Variants in COBLL1 observed in about 807,000 individuals in gnomAD.
The protein encoded by COBLL1 is cordon-bleu WH2 repeat protein like 1.
Under a neutral mutation model 94.8 loss-of-function variants are expected in COBLL1, and 50 were observed. The observed-to-expected ratio is 0.53, with a 90% CI of 0.42 to 0.67. The LOEUF (loss-of-function observed/expected upper bound fraction) is 0.67. Ranked by LOEUF, COBLL1 falls within the 30% of genes least tolerant of loss-of-function variation. The pLI is 0.00. For missense variants in COBLL1, 1,362 were observed against 1,348.7 expected, an observed-to-expected ratio of 1.01 and a Z score of -0.15; for synonymous variants, 448 against 473.8, an observed-to-expected ratio of 0.95 and a Z score of 0.71.
rs566139742 is a variant in COBLL1 at position 164,692,470 on chromosome 2, A to C, written c.3124-73T>G. 4 of 1,177,568 alleles carry C rather than the reference A, an allele frequency of 3.4e-6. No homozygotes were observed. In the Admixed American group the frequency reaches 8.6e-5, roughly 25 times the overall value. 72.9% of individuals were successfully genotyped at this position (1,177,568 alleles called of 1,614,324 possible). On this transcript the variant is annotated intron_variant, in intron 12 of 13. Coordinates refer to ENST00000652658, the MANE Select transcript of COBLL1 (RefSeq NM_001365672.2). The stretch of plus-strand genomic sequence containing the variant: ...GGGCCATTTTTTGCAAAACATTTTC[A>C]TCATCAATAGTTCTTTAACAATCAC...
intron 2 of COBLL1, among the ~76,000 whole-genome samples, chr2:164,826,436 T>C (rs355808): frequency 0.52 from 78,986 of 152,114 alleles, 22,075 homozygotes; most frequent in African/African-American, 0.73. Flanking sequence ...AATAATGATG[T>C]CCACATCACA....
intron 2 of COBLL1, among the ~76,000 whole-genome samples, chr2:164,796,207 C>T (rs1405829601): frequency 1.3e-5 from 2 of 152,152 alleles, no homozygotes; most frequent in Admixed American, 6.5e-5. Context: ...GTGGACACTA[C>T]TTGAAGGTTA....
At chr2:164,822,530 G>A (rs1685215822) in intron 2 of COBLL1, among the ~76,000 whole-genome samples, 17 of 152,222 alleles carry the variant, frequency 1.1e-4, no homozygotes, top group Admixed American at 1.0e-3. Flanking sequence ...GACGAAGGTA[G>A]TATTCTCCAA....
intron 2 of COBLL1, among the ~76,000 whole-genome samples, chr2:164,770,172 A>G (rs1688137396): frequency 6.6e-6 from 1 of 152,180 alleles, no homozygotes; most frequent in Non-Finnish European, 1.5e-5. Context: ...TTTAAAACCC[A>G]GAGAAGTTCA....
intron 2 of COBLL1, among the ~76,000 whole-genome samples, chr2:164,818,253 T>C (rs1014290303): frequency 5.3e-5 from 8 of 150,756 alleles, no homozygotes; most frequent in Admixed American, 5.3e-4. Flanking sequence ...TACATGTGCA[T>C]ATACACATAT....
At chr2:164,673,809 T>C (rs570918667) in intron 1 of COBLL1, among the ~76,000 whole-genome samples, 18 of 152,306 alleles carry the variant, frequency 1.2e-4, no homozygotes, top group African/African-American at 3.8e-4. Context: ...TGGCAGAATA[T>C]GTTTAAATGG....
chr2:164,698,010 T>C (rs1397976564), intron 11 of COBLL1: 13 of 151,996 alleles, frequency 8.6e-5, no homozygotes, highest in Admixed American at 8.5e-4. Context: ...TTAAGAATAA[T>C]AGACATTATT....
chr2:164,768,477 C>T (rs1368157562), intron 2 of COBLL1, among the ~76,000 whole-genome samples: 1 of 151,716 alleles, frequency 6.6e-6, no homozygotes, highest in Non-Finnish European at 1.5e-5. Flanking sequence ...CAAGACAATT[C>T]TTTTTCTTCC....
downstream of COBLL1, among the ~76,000 whole-genome samples, chr2:164,678,563 C>T (rs1358110542): frequency 6.6e-6 from 1 of 151,990 alleles, no homozygotes; most frequent in African/African-American, 2.4e-5. Flanking sequence ...AAACATAATA[C>T]AAAAAATCTT....
chr2:164,666,025 ATGTT>A (rs1173607033), intron 1 of COBLL1: 3 of 152,176 alleles, frequency 2.0e-5, no homozygotes, highest in Non-Finnish European at 1.5e-5. Context: ...AAATAAATAA[ATGTT>A]TGAGATGATG....
intron 12 of COBLL1, 55 bp from the exon 13 acceptor site, chr2:164,692,452 T>C: frequency 6.9e-7 from 1 of 1,438,860 alleles, no homozygotes; most frequent in Non-Finnish European, 9.5e-7. Flanking sequence ...AATGGGCCAT[T>C]TTTTGCAAAA....
At chr2:164,830,228 C>G (rs192456389) in intron 2 of COBLL1, among the ~76,000 whole-genome samples, 121 of 152,294 alleles carry the variant, frequency 7.9e-4, no homozygotes, top group African/African-American at 2.8e-3. Context: ...TGTTCAAACC[C>G]TTCCAAATAT....
intron 1 of COBLL1, among the ~76,000 whole-genome samples, chr2:164,673,391 T>G (rs1198523323): frequency 1.3e-5 from 2 of 152,132 alleles, no homozygotes; most frequent in African/African-American, 2.4e-5. Context: ...GCGCGGTGGC[T>G]AGGCCAGGCG....
intron 2 of COBLL1, among the ~76,000 whole-genome samples, chr2:164,839,274 A>C (rs1225893023): frequency 6.6e-6 from 1 of 152,230 alleles, no homozygotes; most frequent in Non-Finnish European, 1.5e-5. Flanking sequence ...TTTTTAAGCA[A>C]AGAACTTATC....
rs369562421 is a variant in COBLL1 at position 164,769,123 on chromosome 2, C to T, written c.42-25248G>A. ...TTGAATGATTTCTCTTTCAGATACA[C>T]ACATACTCTACCATGTGTTCAAACA... is the stretch of plus-strand genomic sequence containing the variant. On this transcript the variant is annotated intron_variant, in intron 2 of 13. Transcript: ENST00000652658. Among the ~76,000 whole-genome samples, 116 of 152,222 alleles carry T rather than the reference C, an allele frequency of 7.6e-4. 1 individual carries two copies. The highest frequency in any genetic ancestry group is 2.7e-3 in the African/African-American group (113 of 41,546).
chr2:164,660,481 C>A (rs1024750847), intron 2 of COBLL1, among the ~76,000 whole-genome samples: 6 of 152,082 alleles, frequency 3.9e-5, no homozygotes, highest in Admixed American at 2.0e-4. Context: ...CAGTGAGATT[C>A]AAACTGAAGG....
chr2:164,784,473 C>T (rs1301368388), intron 2 of COBLL1, among the ~76,000 whole-genome samples: 5 of 152,162 alleles, frequency 3.3e-5, no homozygotes, highest in African/African-American at 4.8e-5. Flanking sequence ...AGTGCTGGAT[C>T]CACATACGTA....
chr2:164,688,595 T>C (rs1472886638), intron 13 of COBLL1, among the ~76,000 whole-genome samples: 1 of 152,190 alleles, frequency 6.6e-6, no homozygotes, highest in Admixed American at 6.5e-5. Context: ...GAATTTCACA[T>C]AGCTTTCTTT....
intron 3 of COBLL1, chr2:164,738,436 C>A (rs1686425398): frequency 6.6e-6 from 1 of 152,172 alleles, no homozygotes; most frequent in East Asian, 1.9e-4. Context: ...TATGTGGTTT[C>A]TATATCTGTT....
Sources: allele counts gnomAD v4.1 joint callset (sites outside exome capture counted in the v4.1 genomes callset), GRCh38; gene constraint gnomAD v4.1.1; transcripts MANE v1.5; gene names NCBI Gene and HGNC (gene_info 2026-07-23, HGNC 2026-07-21).